Variants in CPNE4 observed in about 807,000 individuals in gnomAD.
The protein encoded by CPNE4 is copine 4, also known as copine-4.
In CPNE4, 25 loss-of-function variants were observed where a neutral mutation model predicts 67.9. That is an observed-to-expected ratio of 0.37 (90% confidence interval 0.27 to 0.51). The LOEUF is 0.51. CPNE4 is among the 20% of genes least tolerant of loss of function. The probability of loss-of-function intolerance (pLI) is 0.93; values close to 1 mark genes in which losing one functional copy is unlikely to be tolerated. For missense variants in CPNE4, 464 were observed against 690.8 expected (o/e 0.67, Z 3.68); for synonymous variants, 242 against 244.9 (o/e 0.99, Z 0.11).
chr3:131,994,109 A>G lies in CPNE4; in HGVS notation c.-2+40458T>C, dbSNP rs1163887041. Among the ~76,000 whole-genome samples, 2 of 136,580 alleles carry G rather than the reference A, an allele frequency of 1.5e-5. 1 individual carries two copies. The highest frequency in any genetic ancestry group is 3.3e-5 in the Non-Finnish European group (2 of 60,176). 89.6% of individuals were successfully genotyped at this position (136,580 alleles called of 152,430 possible). On this transcript the variant is annotated intron_variant, in intron 1 of 15. Coordinates refer to ENST00000429747, the MANE Select transcript of CPNE4 (RefSeq NM_130808.3). ...AAATCTAAATCTAGGTAAAATCTAG[A>G]TCAGCATGAAAGATGAAAGTCTGCA... is the stretch of plus-strand genomic sequence containing the variant.
At chr3:131,801,452 GTATATATA>G (rs71136416) in intron 2 of CPNE4, among the ~76,000 whole-genome samples, 2 of 53,348 alleles carry the variant, frequency 3.7e-5, no homozygotes, top group African/African-American at 1.6e-4. Context: ...GTGTGTGTGT[GTATATATA>G]TATATATATA....
chr3:131,943,439 T>A (rs1019489203), intron 1 of CPNE4, among the ~76,000 whole-genome samples: 1 of 152,192 alleles, frequency 6.6e-6, no homozygotes, highest in Admixed American at 6.5e-5. Flanking sequence ...TCACAGGACC[T>A]GATACAGATC....
chr3:131,988,480 A>G (rs1026633010), intron 1 of CPNE4, among the ~76,000 whole-genome samples: 1 of 152,222 alleles, frequency 6.6e-6, no homozygotes, highest in African/African-American at 2.4e-5. Context: ...GTAGACCAAA[A>G]GAGAGATGAT....
At chr3:131,669,871 CA>C in intron 6 of CPNE4, 107 bp from the exon 7 acceptor site, 1 of 876,130 alleles carries the variant, frequency 1.1e-6, no homozygotes. Flanking sequence ...ATGAAAAGAA[CA>C]ATAGCCTGGA....
chr3:131,693,466 T>C (rs1028727440), intron 5 of CPNE4, among the ~76,000 whole-genome samples: 4 of 152,096 alleles, frequency 2.6e-5, no homozygotes, highest in Non-Finnish European at 4.4e-5. Flanking sequence ...ATGGTGAGAA[T>C]GGTATTAGTT....
At chr3:131,765,114 A>G (rs1329090512) in intron 2 of CPNE4, among the ~76,000 whole-genome samples, 3 of 152,120 alleles carry the variant, frequency 2.0e-5, no homozygotes, top group East Asian at 3.9e-4. Flanking sequence ...AGAGTAAACC[A>G]CATAAAAGAA....
intron 3 of CPNE4, among the ~76,000 whole-genome samples, chr3:131,719,697 T>A (rs958638203): frequency 1.2e-4 from 18 of 152,156 alleles, no homozygotes; most frequent in African/African-American, 4.3e-4. Flanking sequence ...ATAGAGTGGG[T>A]CCCAGGTAAA....
At chr3:131,997,751 C>T (rs1355590422) in intron 1 of CPNE4, among the ~76,000 whole-genome samples, 2 of 152,062 alleles carry the variant, frequency 1.3e-5, no homozygotes, top group Non-Finnish European at 2.9e-5. Context: ...CAGGTATGAA[C>T]ATTTAAAAAC....
intron 1 of CPNE4, among the ~76,000 whole-genome samples, chr3:131,911,003 A>G (rs534570667): frequency 3.9e-5 from 6 of 152,274 alleles, no homozygotes; most frequent in Non-Finnish European, 8.8e-5. Context: ...AGAGGCTAAG[A>G]TGGCCATCTC....
chr3:131,979,232 G>A (rs574987067), intron 1 of CPNE4, among the ~76,000 whole-genome samples: 5 of 151,958 alleles, frequency 3.3e-5, no homozygotes, highest in South Asian at 2.1e-4. Context: ...AGTTTAAATC[G>A]TTTCTTTGTT....
intron 7 of CPNE4, among the ~76,000 whole-genome samples, chr3:131,661,262 G>C (rs1460450537): frequency 6.6e-6 from 1 of 152,164 alleles, no homozygotes; most frequent in Non-Finnish European, 1.5e-5. Flanking sequence ...AGAAATTATA[G>C]AGCAGGAGAG....
At position 131,534,009 on chromosome 3, in the gene CPNE4, G is replaced by A. The variant is rs1935008846; in HGVS notation, c.*1186C>T. On this transcript the variant is annotated 3_prime_UTR_variant, in exon 16 of 16. Coordinates refer to ENST00000429747, the MANE Select transcript of CPNE4 (RefSeq NM_130808.3). ...ATTTGTTCTCAGAAGTGATAGAAAG[G>A]AGGCAAGAAATTCCCACACTAAGCT... is the stretch of plus-strand genomic sequence containing the variant. The A allele has an allele frequency of 6.6e-6, 1 of 152,190 alleles. No individual in the cohort carries two copies. The highest frequency in any genetic ancestry group is 2.4e-5 in the African/African-American group (1 of 41,438). The allele number at this position is 152,190 out of a possible 1,614,324, so 9.4% of individuals were successfully genotyped here.
chr3:131,696,559 G>A lies in CPNE4; in HGVS notation c.490C>T (p.Arg164Trp), dbSNP rs373479979. The change falls in exon 5 of 16, where the codon CGG becomes TGG. Residue 164 changes from arginine to tryptophan, a missense_variant. By Grantham distance (101) the Arg-to-Trp change is moderately radical (BLOSUM62 -3). Around this residue, in one of 6 missense-constraint regions of CPNE4, gnomAD observed 170 missense variants for 203.3 expected, o/e 0.84. Transcript: ENST00000429747. Reference protein sequence around the residue: ...DDYVELAFNARKLDDKDFFSK... With the variant: ...DDYVELAFNAWKLDDKDFFSK... The stretch of plus-strand genomic sequence containing the variant: ...CGCTTTACCTTGTCATCCAATTTCC[G>A]TGCATTGAATGCAAGCTCAACATAG... The A allele has an allele frequency of 3.0e-5, 48 of 1,613,706 alleles. No individual in the cohort carries two copies. The highest frequency in any genetic ancestry group is 3.3e-4 in the Middle Eastern group (2 of 6,082).
chr3:131,931,698 T>A lies in CPNE4; in HGVS notation c.-1-26254A>T, dbSNP rs79561901. ...ACCTCTTTACAACTTAGAAAAAAAA[T>A]TCCAAAAATCAGCCTAAAGTCAGTT... On this transcript the variant is annotated intron_variant, in intron 1 of 15. Transcript: ENST00000429747. Among the ~76,000 whole-genome samples the A allele has an allele frequency of 8.8e-3, 1,335 of 152,186 alleles. 14 individuals are homozygous for A. The highest frequency in any genetic ancestry group is 0.011 in the Non-Finnish European group (778 of 67,990).
At chr3:131,951,119 G>A (rs947053567) in intron 1 of CPNE4, among the ~76,000 whole-genome samples, 2 of 152,154 alleles carry the variant, frequency 1.3e-5, no homozygotes, top group African/African-American at 4.8e-5. Context: ...AATATTACAG[G>A]ATAATTTGTG....
At chr3:131,767,535 G>C (rs1448865528) in intron 2 of CPNE4, among the ~76,000 whole-genome samples, 1 of 152,034 alleles carries the variant, frequency 6.6e-6, no homozygotes, top group East Asian at 1.9e-4. Flanking sequence ...ACAGTTGAGA[G>C]GCTGGGGAAA....
chr3:131,578,746 C>A (rs1937617160), intron 9 of CPNE4, among the ~76,000 whole-genome samples: 1 of 152,002 alleles, frequency 6.6e-6, no homozygotes, highest in South Asian at 2.1e-4. Context: ...TACAACATTC[C>A]CTTAAGCTAA....
At chr3:131,599,525 A>G (rs1201165290) in intron 7 of CPNE4, among the ~76,000 whole-genome samples, 1 of 152,228 alleles carries the variant, frequency 6.6e-6, no homozygotes, top group African/African-American at 2.4e-5. Flanking sequence ...TCTTCCTACC[A>G]GAGGGTAGAC....
At chr3:131,761,563 T>G (rs1027028823) in intron 2 of CPNE4, among the ~76,000 whole-genome samples, 1 of 152,118 alleles carries the variant, frequency 6.6e-6, no homozygotes, top group African/African-American at 2.4e-5. Context: ...TTCTGGGAGC[T>G]TTTATCAATT....
Sources: gnomAD v4.1 joint callset for allele counts (sites outside exome capture counted in the v4.1 genomes callset) on GRCh38, gnomAD v4.1.1 for gene constraint, gnomAD v4.1.1 regional missense constraint, MANE v1.5 for transcripts, NCBI Gene and HGNC (gene_info 2026-07-23, HGNC 2026-07-21) for gene names.